Variants in NAT16 observed in about 807,000 individuals in gnomAD.
NAT16 encodes probable N-acetyltransferase 16.
NAT16 carries 16 observed loss-of-function variants against 15.9 expected under a neutral mutation model. The observed-to-expected ratio is 1.01, with a 90% CI of 0.68 to 1.53. The LOEUF is 1.53. NAT16 is among the 40% of genes most tolerant of loss of function. The pLI, the probability that NAT16 is intolerant of heterozygous loss-of-function variation, is 0.00. For synonymous variants in NAT16, 260 were observed against 241.9 expected, an observed-to-expected ratio of 1.07 and a Z score of -0.69; for missense variants, 572 against 508.4, an observed-to-expected ratio of 1.13 and a Z score of -1.20.
Position 101,171,725 on chromosome 7 carries a change from G to A in NAT16, c.*354C>T. ...AGAAGCCAGGAAAGGGGGAGTTCACGCCCCGGGTGAGGTGATGGAGAGGGA... is the reference window on the plus strand; with the variant it reads ...AGAAGCCAGGAAAGGGGGAGTTCACACCCCGGGTGAGGTGATGGAGAGGGA... On this transcript the variant is annotated 3_prime_UTR_variant, in exon 4 of 4. Transcript: ENST00000300303. The A allele has an allele frequency of 4.7e-6, 1 of 212,318 alleles. No homozygotes were observed. The highest frequency in any genetic ancestry group is 1.1e-4 in the South Asian group (1 of 9,402). 13.2% of individuals were successfully genotyped at this position (212,318 alleles called of 1,614,324 possible). A position where few individuals can be genotyped will look rare whatever the true frequency, so the allele number is the denominator to read the frequency against.
chr7:101,179,731 T>A (rs975384693), intron 1 of NAT16, among the ~76,000 whole-genome samples: 1 of 149,798 alleles, frequency 6.7e-6, no homozygotes, highest in Non-Finnish European at 1.5e-5. Context: ...CTACCCCGGA[T>A]TGGGGGCTTG....
chr7:101,174,214 C>T (rs908290058), intron 2 of NAT16: 12 of 516,336 alleles, frequency 2.3e-5, no homozygotes. Context: ...TGCTCCCCAC[C>T]TCCTTTGCTT....
At position 101,174,741 on chromosome 7, in the gene NAT16, G is replaced by A; in HGVS notation, c.67C>T (p.Arg23Ter). The change falls in exon 2 of 4, where the codon CGA becomes TGA. Residue 23 changes from arginine (R) to a stop codon, truncating the protein, a stop_gained. Coordinates refer to ENST00000300303, the MANE Select transcript of NAT16 (RefSeq NM_198571.3). LOFTEE classifies it high-confidence loss of function. ...GTTTCAGAGCTTGGCTCTGCATCTC[G>A]GGCAGTCTTCTTTTCCGGCTTAGGG... ...EVPKPEKKTA[R>*]DAEPSSETRP... 3 of 1,607,866 alleles carry A rather than the reference G, an allele frequency of 1.9e-6. No individual in the cohort carries two copies. Among genetic ancestry groups the A allele is most frequent in the Non-Finnish European group, 2.5e-6 (3 of 1,178,820 alleles).
intron 2 of NAT16, 72 bp from the exon 3 acceptor site, chr7:101,173,592 TCTC>T (rs751523066): frequency 7.5e-7 from 1 of 1,341,214 alleles, no homozygotes. Flanking sequence ...TTCACTGGGC[TCTC>T]CTCTTCCCAC....
chr7:101,177,860 C>A (rs1403992498), intron 1 of NAT16, among the ~76,000 whole-genome samples: 2 of 152,174 alleles, frequency 1.3e-5, no homozygotes, highest in South Asian at 4.1e-4. Context: ...CTGGAACCAG[C>A]CCAAGCCCCA....
rs774358788 is a variant in NAT16 at position 101,172,039 on chromosome 7, G to A, written c.*40C>T. The A allele has an allele frequency of 3.1e-5, 43 of 1,409,602 alleles. No homozygotes were observed. Among genetic ancestry groups the A allele is most frequent in the Admixed American group, 2.8e-4 (14 of 50,868 alleles). The allele number at this position is 1,409,602 out of a possible 1,614,324, so 87.3% of individuals were successfully genotyped here. Reference sequence around the variant, plus strand: ...AGGCTGGCTGGGGAAACTGCGGAAGGGGGCGGGTCTTTTTCCCCCTCCCCG... The same window carrying A: ...AGGCTGGCTGGGGAAACTGCGGAAGAGGGCGGGTCTTTTTCCCCCTCCCCG... On this transcript the variant is annotated 3_prime_UTR_variant, in exon 4 of 4. Coordinates refer to ENST00000300303, the MANE Select transcript of NAT16 (RefSeq NM_198571.3). The surrounding 1 kb of genome is among the most constrained non-coding windows in gnomAD (Gnocchi z 4.2).
At chr7:101,176,124 G>A (rs1283143216) in intron 1 of NAT16, among the ~76,000 whole-genome samples, 1 of 152,134 alleles carries the variant, frequency 6.6e-6, no homozygotes, top group Non-Finnish European at 1.5e-5. Context: ...GGAGGGTGTA[G>A]ACCCCAAATA....
intron 1 of NAT16, among the ~76,000 whole-genome samples, 186 bp downstream of exon 1, chr7:101,179,856 C>A (rs1797554305): frequency 6.6e-6 from 1 of 151,928 alleles, no homozygotes; most frequent in African/African-American, 2.4e-5. Context: ...GGCGGGGGAG[C>A]GCTTCTGGAC....
chr7:101,173,555 C>CG (rs1562874091), intron 2 of NAT16, 35 bp from the exon 3 acceptor site: 1 of 1,509,216 alleles, frequency 6.6e-7, no homozygotes, highest in Non-Finnish European at 8.9e-7. Flanking sequence ...GGGCCCTCCC[C>CG]GCCTGCGCCC....
At chr7:101,173,274 C>A in intron 3 of NAT16, 22 bp downstream of exon 3, 2 of 1,605,680 alleles carry the variant, frequency 1.2e-6, no homozygotes, top group Non-Finnish European at 1.7e-6. Context: ...GCCCAGCCAT[C>A]CGAGCTCCCT....
At chr7:101,173,215 G>GCA in intron 3 of NAT16, 81 bp downstream of exon 3, 1 of 1,265,204 alleles carries the variant, frequency 7.9e-7, no homozygotes, top group Non-Finnish European at 1.2e-6. Flanking sequence ...GAGCAAGCCC[G>GCA]TGTTCTGCTG....
Position 101,170,623 on chromosome 7 carries a change from G to A in NAT16, c.*1456C>T, listed in dbSNP as rs1456459640. On this transcript the variant is annotated 3_prime_UTR_variant, in exon 4 of 4. Transcript: ENST00000300303. ...AGCAAAACCAGAGCTGCGGAAAGTG[G>A]CGAAGCGGCGGCTGCCCCTACCCCC... The A allele has an allele frequency of 6.6e-6, 1 of 152,464 alleles. No homozygotes were observed. Among genetic ancestry groups the A allele is most frequent in the African/African-American group, 2.4e-5 (1 of 41,444 alleles). The allele number at this position is 152,464 out of a possible 1,614,324, so 9.4% of individuals were successfully genotyped here.
chr7:101,178,562 G>A (rs550420467), intron 1 of NAT16, among the ~76,000 whole-genome samples: 2 of 151,772 alleles, frequency 1.3e-5, no homozygotes, highest in Non-Finnish European at 2.9e-5. Flanking sequence ...TGGACCAAGC[G>A]CCCTCCTAAA....
At chr7:101,176,128 C>G (rs1269283020) in intron 1 of NAT16, among the ~76,000 whole-genome samples, 1 of 152,010 alleles carries the variant, frequency 6.6e-6, no homozygotes, top group East Asian at 1.9e-4. Flanking sequence ...GGTGTAGACC[C>G]CAAATATCCT....
At chr7:101,179,449 C>T (rs1797543574) in intron 1 of NAT16, among the ~76,000 whole-genome samples, 3 of 150,742 alleles carry the variant, frequency 2.0e-5, no homozygotes, top group Middle Eastern at 3.4e-3. Flanking sequence ...CCCTTCGCCC[C>T]GGGGTATGGG....
In NAT16 at chr7:101,174,390, C is replaced by T. The variant is rs527364736; in HGVS notation, c.312+106G>A. The T allele has an allele frequency of 5.4e-4, 756 of 1,397,308 alleles. 2 individuals are homozygous for T. The Middle Eastern group carries it at 9.2e-3, about 17-fold the overall frequency. 86.6% of individuals were successfully genotyped at this position (1,397,308 alleles called of 1,614,324 possible). A position where few individuals can be genotyped will look rare whatever the true frequency, so the allele number is the denominator to read the frequency against. ...CCCAAAGCAGGCTCTATTTCCGCAG[C>T]CTCCAGAGGAAGGCTGGGGAGAAGC... On this transcript the variant is annotated intron_variant, in intron 2 of 3. Coordinates refer to ENST00000300303, the MANE Select transcript of NAT16 (RefSeq NM_198571.3).
Position 101,174,112 on chromosome 7 carries a change from G to A in NAT16, c.312+384C>T, listed in dbSNP as rs572482166. ...ACGCCCCTTCCTTGGCTCCTCCCCC[G>A]GGAGTTTGCCACGCCCCACTTCCTC... is the stretch of plus-strand genomic sequence containing the variant. On this transcript the variant is annotated intron_variant, in intron 2 of 3. Coordinates refer to ENST00000300303, the MANE Select transcript of NAT16 (RefSeq NM_198571.3). The A allele has an allele frequency of 4.4e-5, 13 of 295,752 alleles. No homozygotes were observed. In the Admixed American group the frequency reaches 4.9e-4, roughly 11 times the overall value. 18.3% of individuals were successfully genotyped at this position (295,752 alleles called of 1,614,324 possible).
chr7:101,172,987 G>A lies in NAT16; in HGVS notation c.537+309C>T, dbSNP rs1299590991. On this transcript the variant is annotated intron_variant, in intron 3 of 3. Coordinates refer to ENST00000300303, the MANE Select transcript of NAT16 (RefSeq NM_198571.3). This position sits in a 1 kb window ranked among gnomAD's most constrained non-coding sequence, Gnocchi z 4.2. ...GGCCGATCAGTCAGTAGGATTGGGA[G>A]GAGCAGAGGGAGGACAAAGGCTCAG... is the stretch of plus-strand genomic sequence containing the variant. 6.6e-6 allele frequency among the ~76,000 whole-genome samples: 1 copy of A among 152,196 alleles called. No individual in the cohort carries two copies. Among genetic ancestry groups the A allele is most frequent in the Non-Finnish European group, 1.5e-5 (1 of 68,024 alleles).
At chr7:101,176,083 T>C (rs1179079791) in intron 1 of NAT16, among the ~76,000 whole-genome samples, 1 of 152,126 alleles carries the variant, frequency 6.6e-6, no homozygotes, top group Non-Finnish European at 1.5e-5. Flanking sequence ...TTCCTGCCAC[T>C]ACCAGCTACA....
Sources: gnomAD v4.1 joint callset for allele counts (sites outside exome capture counted in the v4.1 genomes callset) on GRCh38, gnomAD v4.1.1 for gene constraint, Gnocchi (gnomAD v3.1) non-coding constraint, MANE v1.5 for transcripts, NCBI Gene and HGNC (gene_info 2026-07-23, HGNC 2026-07-21) for gene names.